The following SPATA13 variants were observed in gnomAD, a reference collection of about 807,000 sequenced individuals.
The protein encoded by SPATA13 is spermatogenesis associated 13, also known as spermatogenesis-associated protein 13.
A neutral mutation model predicts 104.0 loss-of-function variants in SPATA13; 50 were observed. The ratio of observed to expected loss-of-function variants is 0.48; its 90% CI spans 0.38 to 0.61. The LOEUF is 0.61. Ranked by LOEUF, SPATA13 falls within the 20% of genes least tolerant of loss-of-function variation. The probability of loss-of-function intolerance (pLI) is 0.00; values close to 1 mark genes in which losing one functional copy is unlikely to be tolerated. For synonymous variants in SPATA13, 606 were observed against 667.5 expected, an observed-to-expected ratio of 0.91 and a Z score of 1.42; for missense variants, 1,524 against 1,690.6, an observed-to-expected ratio of 0.90 and a Z score of 1.73.
chr13:24,085,399 T>C (rs1440986996), intron 3 of SPATA13, among the ~76,000 whole-genome samples: 1 of 152,152 alleles, frequency 6.6e-6, no homozygotes, highest in Non-Finnish European at 1.5e-5. Flanking sequence ...AGTGCTGGGA[T>C]TACAGGTGTG....
chr13:24,024,359 ATG>A lies in SPATA13; in HGVS notation c.-112+6659_-112+6660del, dbSNP rs1491306366. On this transcript the variant is annotated intron_variant, in intron 3 of 14. Transcript: ENST00000424834. ...GATGGATGGATGAATGGATGGACGG[ATG>A]GATGGATGGATGGATGGATGGATAG... 6.9e-4 allele frequency among the ~76,000 whole-genome samples: 27 copies of A among 39,262 alleles called. No homozygotes were observed. The East Asian group carries it at 0.056, about 81-fold the overall frequency. 25.8% of individuals were successfully genotyped at this position (39,262 alleles called of 152,430 possible). A position where few individuals can be genotyped will look rare whatever the true frequency, so the allele number is the denominator to read the frequency against.
intron 4 of SPATA13, among the ~76,000 whole-genome samples, chr13:24,269,970 C>T (rs1043745915): frequency 4.7e-4 from 71 of 152,008 alleles, no homozygotes; most frequent in Admixed American, 7.2e-4. Flanking sequence ...AATCCTCCTG[C>T]GTCATCCTCC....
intron 4 of SPATA13, among the ~76,000 whole-genome samples, chr13:24,282,012 T>C (rs1255144528): frequency 6.6e-6 from 1 of 152,196 alleles, no homozygotes; most frequent in African/African-American, 2.4e-5. Flanking sequence ...ACCCCCATTA[T>C]TGTGGATCTT....
chr13:24,202,508 T>C (rs1870468288), intron 1 of SPATA13, among the ~76,000 whole-genome samples: 1 of 144,636 alleles, frequency 6.9e-6, no homozygotes, highest in South Asian at 2.3e-4. Flanking sequence ...CCTGTTTGCT[T>C]TCTTTCTTTC....
chr13:24,187,980 T>C (rs1324101083), intron 1 of SPATA13, among the ~76,000 whole-genome samples: 1 of 152,204 alleles, frequency 6.6e-6, no homozygotes, highest in Non-Finnish European at 1.5e-5. Flanking sequence ...GCTCAAAGCT[T>C]GGCCTCTTGT....
intron 1 of SPATA13, among the ~76,000 whole-genome samples, chr13:24,220,656 A>G (rs1239899592): frequency 6.6e-6 from 1 of 152,154 alleles, no homozygotes; most frequent in Non-Finnish European, 1.5e-5. Context: ...CTGGCCCCCT[A>G]ATTCCTCCAT....
chr13:24,012,191 CTT>C (rs1361588376), intron 2 of SPATA13, among the ~76,000 whole-genome samples: 3 of 152,204 alleles, frequency 2.0e-5, no homozygotes, highest in Non-Finnish European at 4.4e-5. Context: ...CCTGGGGAAT[CTT>C]TTCACCTGCG....
Position 24,136,582 on chromosome 13 carries a change from A to C in SPATA13, c.-111-86237A>C, listed in dbSNP as rs138696015. Among the ~76,000 whole-genome samples, 152 of 152,274 alleles carry C rather than the reference A, an allele frequency of 1.0e-3. 2 individuals are homozygous for C. The highest frequency in any genetic ancestry group is 3.4e-3 in the African/African-American group (143 of 41,546). ...AGAGAACTAGGAAATGCTCAGAAAA[A>C]ACTGTCAGATGAATTCTGTATATAG... On this transcript the variant is annotated intron_variant, in intron 3 of 14. Transcript: ENST00000424834.
chr13:24,154,851 A>C (rs1882213151), intron 3 of SPATA13, among the ~76,000 whole-genome samples: 1 of 152,172 alleles, frequency 6.6e-6, no homozygotes, highest in Admixed American at 6.5e-5. Flanking sequence ...TGTGACTGAT[A>C]GACCAGTTTT....
intron 3 of SPATA13, among the ~76,000 whole-genome samples, chr13:24,087,952 C>T (rs897413319): frequency 6.6e-6 from 1 of 152,252 alleles, no homozygotes; most frequent in Non-Finnish European, 1.5e-5. Flanking sequence ...CAGCCCAGCT[C>T]TTCCAGCTTT....
chr13:24,001,736 G>C (rs1201762380), intron 2 of SPATA13, among the ~76,000 whole-genome samples: 1 of 152,020 alleles, frequency 6.6e-6, no homozygotes, highest in Non-Finnish European at 1.5e-5. Flanking sequence ...GGGAAATGAA[G>C]AAAGAGAACC....
At chr13:24,005,478 T>C (rs1876181098) in intron 2 of SPATA13, among the ~76,000 whole-genome samples, 1 of 152,010 alleles carries the variant, frequency 6.6e-6, no homozygotes, top group Admixed American at 6.6e-5. Context: ...ATGGAGTGTA[T>C]GCAGGGAGAA....
chr13:24,298,406 T>G (rs1371802732), intron 11 of SPATA13, among the ~76,000 whole-genome samples: 1 of 152,248 alleles, frequency 6.6e-6, no homozygotes, highest in African/African-American at 2.4e-5. Context: ...GTGTTACATT[T>G]GTACTTCTTT....
chr13:24,041,691 C>G (rs1172975025), intron 3 of SPATA13, among the ~76,000 whole-genome samples: 3 of 152,110 alleles, frequency 2.0e-5, no homozygotes, highest in Non-Finnish European at 4.4e-5. Flanking sequence ...GAGGGCTGGG[C>G]TGGGGAAAGG....
At chr13:24,090,635 C>T (rs1044568187) in intron 3 of SPATA13, among the ~76,000 whole-genome samples, 8 of 152,204 alleles carry the variant, frequency 5.3e-5, no homozygotes, top group African/African-American at 1.9e-4. Context: ...ACCACAGCTT[C>T]TTGACTGGAC....
intron 4 of SPATA13, chr13:24,273,173 G>A (rs3742176): frequency 0.13 from 19,784 of 152,316 alleles, 1,387 homozygotes; most frequent in African/African-American, 0.18. Context: ...ATACAAAGAA[G>A]CCCAGAGCCA....
chr13:24,037,965 G>T (rs563735464), intron 3 of SPATA13, among the ~76,000 whole-genome samples: 1 of 151,462 alleles, frequency 6.6e-6, no homozygotes, highest in Non-Finnish European at 1.5e-5. Flanking sequence ...AGGCTGCATT[G>T]CAGTGGCACA....
chr13:24,153,581 G>C lies in SPATA13; in HGVS notation c.-111-69238G>C, dbSNP rs60788782. Among the ~76,000 whole-genome samples the C allele has an allele frequency of 3.7e-3, 561 of 152,294 alleles. 2 individuals are homozygous for C. The highest frequency in any genetic ancestry group is 0.013 in the African/African-American group (542 of 41,546). On this transcript the variant is annotated intron_variant, in intron 3 of 14. Transcript: ENST00000424834. ...CTTTCAACAGAGGACACGTGGTAGA[G>C]AGAATGATCCACGGTACGCTGCAAG...
rs9551070 is a variant in SPATA13 at position 24,142,506 on chromosome 13, T to A, written c.-111-80313T>A. On this transcript the variant is annotated intron_variant, in intron 3 of 14. Coordinates refer to the SPATA13 transcript ENST00000424834. ...ATGTTTTCTCCTGTTAGATTGAGGTTATGCATTTGGGGGCAGAAATATCAC... is the reference window on the plus strand; with the variant it reads ...ATGTTTTCTCCTGTTAGATTGAGGTAATGCATTTGGGGGCAGAAATATCAC... 9.9e-5 allele frequency among the ~76,000 whole-genome samples: 15 copies of A among 152,176 alleles called. No individual in the cohort carries two copies. The South Asian group carries it at 2.3e-3, about 23-fold the overall frequency.
Sources: gnomAD v4.1 joint callset for allele counts (sites outside exome capture counted in the v4.1 genomes callset) on GRCh38, gnomAD v4.1.1 for gene constraint, MANE v1.5 for transcripts, NCBI Gene and HGNC (gene_info 2026-07-23, HGNC 2026-07-21) for gene names.